Variants in BMPER observed in about 807,000 individuals in gnomAD.
BMPER encodes BMP-binding endothelial regulator protein.
Under a neutral mutation model 87.3 loss-of-function variants are expected in BMPER, and 45 were observed. That is an observed-to-expected ratio of 0.52 (90% CI 0.41 to 0.66). The LOEUF (loss-of-function observed/expected upper bound fraction) is 0.66, where lower values mean the gene tolerates loss of function less well. BMPER is among the 30% of genes least tolerant of loss of function. BMPER has a pLI of 0.00. For synonymous variants in BMPER, 326 were observed against 316.2 expected, an observed-to-expected ratio of 1.03 and a Z score of -0.33; for missense variants, 784 against 867.5, an observed-to-expected ratio of 0.90 and a Z score of 1.21.
At chr7:33,969,134 G>C (rs913789514) in intron 4 of BMPER, among the ~76,000 whole-genome samples, 1 of 152,192 alleles carries the variant, frequency 6.6e-6, no homozygotes, top group Admixed American at 6.5e-5. Context: ...TTGTTGGGTT[G>C]AGATGATGTG....
intron 2 of BMPER, among the ~76,000 whole-genome samples, chr7:33,927,811 C>G (rs1388907446): frequency 6.6e-6 from 1 of 152,168 alleles, no homozygotes; most frequent in Non-Finnish European, 1.5e-5. Context: ...GTTGGACCCC[C>G]AAAATGTGGT....
intron 13 of BMPER, among the ~76,000 whole-genome samples, chr7:34,116,146 G>A (rs1000776662): frequency 3.3e-5 from 5 of 152,164 alleles, no homozygotes; most frequent in Admixed American, 1.3e-4. Flanking sequence ...GTTGATAAAA[G>A]AATGAGATAA....
intron 6 of BMPER, among the ~76,000 whole-genome samples, chr7:34,000,551 A>G (rs1230152235): frequency 6.6e-6 from 1 of 152,092 alleles, no homozygotes; most frequent in Non-Finnish European, 1.5e-5. Context: ...GGAATCTTAA[A>G]TGGTTCAGGA....
chr7:33,997,321 A>G (rs1355493857), intron 6 of BMPER, among the ~76,000 whole-genome samples: 2 of 152,162 alleles, frequency 1.3e-5, no homozygotes, highest in Non-Finnish European at 2.9e-5. Context: ...TCTGTGTCCC[A>G]ACTCAAATCT....
chr7:34,100,900 CCGTA>C (rs1789664088), intron 13 of BMPER, among the ~76,000 whole-genome samples: 1 of 152,190 alleles, frequency 6.6e-6, no homozygotes, highest in South Asian at 2.1e-4. Context: ...AGCACACATT[CCGTA>C]ATGTCACCAC....
At chr7:33,952,448 A>G (rs932276720) in intron 3 of BMPER, among the ~76,000 whole-genome samples, 1 of 152,186 alleles carries the variant, frequency 6.6e-6, no homozygotes, top group African/African-American at 2.4e-5. Context: ...TGTTTCATGG[A>G]GGGCCATAAA....
intron 13 of BMPER, among the ~76,000 whole-genome samples, chr7:34,096,367 T>A (rs916665017): frequency 2.0e-5 from 3 of 152,178 alleles, no homozygotes; most frequent in Non-Finnish European, 4.4e-5. Context: ...CTGGCCTCTG[T>A]GCTGTTTTGG....
At chr7:34,040,294 T>C (rs1787800222) in intron 6 of BMPER, among the ~76,000 whole-genome samples, 1 of 152,128 alleles carries the variant, frequency 6.6e-6, no homozygotes, top group Admixed American at 6.6e-5. Flanking sequence ...AAGGAACCAG[T>C]CCCTTATCTG....
chr7:34,142,728 G>T (rs1010804202), intron 13 of BMPER, among the ~76,000 whole-genome samples: 4 of 152,180 alleles, frequency 2.6e-5, no homozygotes, highest in Non-Finnish European at 5.9e-5. Context: ...ATGGGATTTT[G>T]TGTTTTCATC....
intron 6 of BMPER, among the ~76,000 whole-genome samples, chr7:33,977,774 T>C (rs1354988604): frequency 6.6e-6 from 1 of 152,100 alleles, no homozygotes; most frequent in Non-Finnish European, 1.5e-5. Flanking sequence ...ATAAAAATAA[T>C]AAAAATATAT....
At chr7:33,936,806 T>C (rs1318779567) in intron 2 of BMPER, among the ~76,000 whole-genome samples, 2 of 152,220 alleles carry the variant, frequency 1.3e-5, no homozygotes, top group African/African-American at 4.8e-5. Context: ...TATTCAACTT[T>C]GTCATTATTT....
At chr7:33,991,449 G>C (rs935381961) in intron 6 of BMPER, among the ~76,000 whole-genome samples, 2 of 152,060 alleles carry the variant, frequency 1.3e-5, no homozygotes, top group African/African-American at 4.8e-5. Context: ...ATTTCTGTGG[G>C]ATCGGTGGTG....
At chr7:33,917,675 A>G (rs1436927919) in intron 2 of BMPER, among the ~76,000 whole-genome samples, 1 of 152,216 alleles carries the variant, frequency 6.6e-6, no homozygotes, top group Non-Finnish European at 1.5e-5. Flanking sequence ...AGGATAGAAT[A>G]CAAATAAGGA....
At chr7:34,005,503 A>C (rs1282969276) in intron 6 of BMPER, among the ~76,000 whole-genome samples, 24 of 151,660 alleles carry the variant, frequency 1.6e-4, no homozygotes. Context: ...GCTGGAGTGC[A>C]ATGGTGGGAT....
chr7:34,072,956 C>A (rs983526780), intron 11 of BMPER, among the ~76,000 whole-genome samples: 1 of 152,118 alleles, frequency 6.6e-6, no homozygotes, highest in African/African-American at 2.4e-5. Flanking sequence ...CCTGACTTTT[C>A]AGAATTTTTT....
At chr7:34,026,268 G>A (rs1466815742) in intron 6 of BMPER, among the ~76,000 whole-genome samples, 1 of 151,912 alleles carries the variant, frequency 6.6e-6, no homozygotes, top group Non-Finnish European at 1.5e-5. Flanking sequence ...GACAGTCAGG[G>A]GGATGAGGCA....
At chr7:34,049,384 A>AG (rs1788082328) in intron 7 of BMPER, among the ~76,000 whole-genome samples, 1 of 152,196 alleles carries the variant, frequency 6.6e-6, no homozygotes, top group Admixed American at 6.5e-5. Context: ...ACATTTGTTC[A>AG]GGGGGATAAG....
intron 14 of BMPER, among the ~76,000 whole-genome samples, chr7:34,147,308 G>A (rs1234564409): frequency 6.6e-6 from 1 of 152,212 alleles, no homozygotes; most frequent in Non-Finnish European, 1.5e-5. Context: ...CCCATAGGGG[G>A]ATGTGGAGAT....
At chr7:33,937,462 C>G in intron 3 of BMPER, 74 bp downstream of exon 3, 1 of 1,489,602 alleles carries the variant, frequency 6.7e-7, no homozygotes, top group South Asian at 1.1e-5. Flanking sequence ...TCTCACCTTC[C>G]TTTTCACTCA....
Sources: gnomAD v4.1 joint callset for allele counts (sites outside exome capture counted in the v4.1 genomes callset) on GRCh38, gnomAD v4.1.1 for gene constraint, MANE v1.5 for transcripts, NCBI Gene and HGNC (gene_info 2026-07-23, HGNC 2026-07-21) for gene names.